Variants in SLC24A2 observed in about 807,000 individuals in gnomAD.
SLC24A2 encodes the protein sodium/potassium/calcium exchanger 2.
SLC24A2 carries 36 observed loss-of-function variants against 62.0 expected under a neutral mutation model. The ratio of observed to expected loss-of-function variants is 0.58; its 90% CI spans 0.44 to 0.77. SLC24A2 has a LOEUF of 0.77. Ranked by LOEUF, SLC24A2 falls within the 30% of genes least tolerant of loss-of-function variation. The pLI is 0.00. For missense variants in SLC24A2, 846 were observed against 817.9 expected (o/e 1.03, Z -0.42); for synonymous variants, 358 against 294.0 (o/e 1.22, Z -2.23).
At chr9:20,095,585 T>C in the SLC24A2 span, among the ~76,000 whole-genome samples, 2 of 152,054 alleles carry the variant, frequency 1.3e-5, no homozygotes, top group Non-Finnish European at 2.9e-5. Context: ...AGACTCAAAG[T>C]GAAACATTGG....
chr9:20,185,815 G>A, the SLC24A2 span, among the ~76,000 whole-genome samples: 40 of 152,256 alleles, frequency 2.6e-4, no homozygotes, highest in African/African-American at 8.9e-4. Flanking sequence ...AGCCAGGTAG[G>A]GAAGGGGGTA....
chr9:20,296,962 A>G, the SLC24A2 span, among the ~76,000 whole-genome samples: 3 of 152,182 alleles, frequency 2.0e-5, no homozygotes, highest in Non-Finnish European at 4.4e-5. Context: ...ATGCTTCTCA[A>G]ATAAATCCCC....
the SLC24A2 span, among the ~76,000 whole-genome samples, chr9:20,260,845 CTTTCTTTT>C: frequency 5.4e-5 from 6 of 110,516 alleles, no homozygotes; most frequent in East Asian, 3.6e-4. Flanking sequence ...ACGTATCATT[CTTTCTTTT>C]TTTTTTTTTT....
the SLC24A2 span, among the ~76,000 whole-genome samples, chr9:19,843,623 C>T: frequency 6.6e-6 from 1 of 152,000 alleles, no homozygotes; most frequent in Non-Finnish European, 1.5e-5. Context: ...ATTCCATCAC[C>T]CAGGTAGTAA....
the SLC24A2 span, among the ~76,000 whole-genome samples, chr9:20,112,971 A>G: frequency 6.6e-6 from 1 of 152,044 alleles, no homozygotes; most frequent in African/African-American, 2.4e-5. Context: ...AAACAAAGAC[A>G]CAAGTGAAGC....
chr9:19,917,498 C>A, the SLC24A2 span, among the ~76,000 whole-genome samples: 1 of 151,692 alleles, frequency 6.6e-6, no homozygotes, highest in Non-Finnish European at 1.5e-5. Flanking sequence ...TTACAGTATT[C>A]ATTTACCCAT....
chr9:19,693,492 C>T (rs1820100247), intron 2 of SLC24A2, among the ~76,000 whole-genome samples: 1 of 152,010 alleles, frequency 6.6e-6, no homozygotes, highest in Admixed American at 6.6e-5. Context: ...TGTCTAAAAC[C>T]AAGGACAAGA....
At chr9:20,083,896 T>C in the SLC24A2 span, among the ~76,000 whole-genome samples, 1 of 152,198 alleles carries the variant, frequency 6.6e-6, no homozygotes, top group Admixed American at 6.5e-5. Context: ...CAGACCCCGT[T>C]TCCTCTAGTT....
the SLC24A2 span, among the ~76,000 whole-genome samples, chr9:20,051,660 T>C: frequency 0.066 from 8,536 of 128,406 alleles, 822 homozygotes; most frequent in East Asian, 0.45. Context: ...TCTTTCTCTT[T>C]TTTTTTTTTT....
the SLC24A2 span, among the ~76,000 whole-genome samples, chr9:20,255,207 T>C: frequency 2.0e-5 from 3 of 152,220 alleles, no homozygotes; most frequent in Admixed American, 6.5e-5. Flanking sequence ...AGCTGAGAGA[T>C]GACAAATGGT....
chr9:20,079,916 C>T, the SLC24A2 span, among the ~76,000 whole-genome samples: 11 of 152,228 alleles, frequency 7.2e-5, 1 homozygote, highest in Middle Eastern at 6.8e-3. Flanking sequence ...ACACAACTTA[C>T]AAGGGACATG....
the SLC24A2 span, among the ~76,000 whole-genome samples, chr9:19,965,164 A>T: frequency 6.6e-6 from 1 of 152,106 alleles, no homozygotes; most frequent in Non-Finnish European, 1.5e-5. Flanking sequence ...GGTAGAAGTA[A>T]TACCATAACC....
At chr9:20,101,434 T>G in the SLC24A2 span, among the ~76,000 whole-genome samples, 17,002 of 152,324 alleles carry the variant, frequency 0.11, 1,017 homozygotes, top group Middle Eastern at 0.17. Flanking sequence ...ACTGTTTGCC[T>G]TGGGGCAGAT....
chr9:19,769,876 G>T (rs1217684392), intron 2 of SLC24A2, among the ~76,000 whole-genome samples: 1 of 152,012 alleles, frequency 6.6e-6, no homozygotes, highest in Non-Finnish European at 1.5e-5. Flanking sequence ...GTGGGGGGTT[G>T]CCTGTTCTAT....
intron 2 of SLC24A2, among the ~76,000 whole-genome samples, chr9:19,776,528 T>C (rs545145003): frequency 6.6e-6 from 1 of 152,320 alleles, no homozygotes; most frequent in East Asian, 1.9e-4. Flanking sequence ...CTGCCCAGGA[T>C]AGTTTTCCTT....
chr9:20,115,391 G>T, the SLC24A2 span, among the ~76,000 whole-genome samples: 1 of 152,030 alleles, frequency 6.6e-6, no homozygotes, highest in Non-Finnish European at 1.5e-5. Context: ...ATACGGAAAC[G>T]TCAAAGAGAA....
chr9:19,651,462 C>A (rs567089221), intron 2 of SLC24A2, among the ~76,000 whole-genome samples: 1 of 152,194 alleles, frequency 6.6e-6, no homozygotes, highest in Non-Finnish European at 1.5e-5. Context: ...ATGTTCTTAA[C>A]AGCACTTCAC....
the SLC24A2 span, among the ~76,000 whole-genome samples, chr9:19,849,826 T>C: frequency 6.6e-6 from 1 of 152,162 alleles, no homozygotes; most frequent in Non-Finnish European, 1.5e-5. Flanking sequence ...TAATATTTTA[T>C]CAACAATCAA....
chr9:20,043,118 A>C, the SLC24A2 span, among the ~76,000 whole-genome samples: 1 of 152,190 alleles, frequency 6.6e-6, no homozygotes, highest in Non-Finnish European at 1.5e-5. Flanking sequence ...CAAATGATTA[A>C]GCTTAGTGAG....
Sources: gnomAD v4.1 joint callset for allele counts (sites outside exome capture counted in the v4.1 genomes callset) on GRCh38, gnomAD v4.1.1 for gene constraint, MANE v1.5 for transcripts, NCBI Gene and HGNC (gene_info 2026-07-23, HGNC 2026-07-21) for gene names.